Variants in PRMT3 observed in about 807,000 individuals in gnomAD.
PRMT3 encodes protein arginine methyltransferase 3.
A neutral mutation model predicts 71.9 loss-of-function variants in PRMT3; 62 were observed. The ratio of observed to expected loss-of-function variants is 0.86; its 90% CI spans 0.70 to 1.07. PRMT3 has a LOEUF of 1.07. PRMT3 is among the 50% of genes least tolerant of loss of function. The pLI, the probability that PRMT3 is intolerant of heterozygous loss-of-function variation, is 0.00. For missense variants in PRMT3, 663 were observed against 643.0 expected (o/e 1.03, Z -0.34); for synonymous variants, 213 against 220.4 (o/e 0.97, Z 0.30).
chr11:20,392,876 T>G (rs142579521), intron 4 of PRMT3, 21 bp from the exon 5 acceptor site: 920 of 1,422,038 alleles, frequency 6.5e-4, no homozygotes, highest in Non-Finnish European at 8.3e-4. Flanking sequence ...GAAAAAAACA[T>G]GAGATTAATT....
intron 2 of PRMT3, 92 bp downstream of exon 2, chr11:20,388,246 C>A (rs1388923235): frequency 6.4e-7 from 1 of 1,559,938 alleles, no homozygotes; most frequent in Admixed American, 1.8e-5. Context: ...GGAGGCAAGC[C>A]AGAGTGGCCT....
At chr11:20,462,200 G>C in intron 12 of PRMT3, 33 bp downstream of exon 12, 1 of 1,492,328 alleles carries the variant, frequency 6.7e-7, no homozygotes, top group Non-Finnish European at 9.1e-7. Flanking sequence ...TTTTTATAAT[G>C]GTATTGCTAT....
chr11:20,505,214 A>G (rs1851562626), intron 15 of PRMT3, among the ~76,000 whole-genome samples: 1 of 152,296 alleles, frequency 6.6e-6, no homozygotes, highest in Non-Finnish European at 1.5e-5. Context: ...ACCAGGTAGT[A>G]TGCAAATGAA....
At chr11:20,452,512 T>A (rs1489221460) in intron 11 of PRMT3, among the ~76,000 whole-genome samples, 1 of 152,152 alleles carries the variant, frequency 6.6e-6, no homozygotes, top group Admixed American at 6.5e-5. Flanking sequence ...TCTAACAAAC[T>A]CCTTTTTATT....
chr11:20,505,313 A>T (rs1565243849), intron 15 of PRMT3, among the ~76,000 whole-genome samples: 2 of 152,098 alleles, frequency 1.3e-5, no homozygotes, highest in Admixed American at 6.5e-5. Flanking sequence ...TACTTACTTT[A>T]TGTTGGGTCT....
intron 13 of PRMT3, among the ~76,000 whole-genome samples, chr11:20,482,451 T>G (rs1850961146): frequency 6.6e-6 from 1 of 152,092 alleles, no homozygotes; most frequent in Non-Finnish European, 1.5e-5. Flanking sequence ...AGAATATCTA[T>G]CTGAAGTTTA....
At chr11:20,494,846 G>T (rs1851297062) in intron 15 of PRMT3, among the ~76,000 whole-genome samples, 1 of 152,060 alleles carries the variant, frequency 6.6e-6, no homozygotes, top group African/African-American at 2.4e-5. Context: ...TATTTAATAA[G>T]TTACAAATAT....
intron 13 of PRMT3, among the ~76,000 whole-genome samples, chr11:20,478,143 C>T (rs951750793): frequency 1.3e-5 from 2 of 152,224 alleles, no homozygotes; most frequent in Admixed American, 6.5e-5. Flanking sequence ...AAGTAAGACT[C>T]CTCTGTGGTT....
intron 15 of PRMT3, among the ~76,000 whole-genome samples, chr11:20,501,668 G>A (rs545049570): frequency 6.6e-6 from 1 of 152,256 alleles, no homozygotes; most frequent in South Asian, 2.1e-4. Flanking sequence ...AATATGACAA[G>A]ATAAGTAAAA....
intron 9 of PRMT3, among the ~76,000 whole-genome samples, chr11:20,412,928 ACT>A (rs1849226517): frequency 6.6e-6 from 1 of 151,942 alleles, no homozygotes; most frequent in African/African-American, 2.4e-5. Flanking sequence ...ACATAGTGAG[ACT>A]CTGTTTCTAT....
In PRMT3 at chr11:20,408,028, A is replaced by C; in HGVS notation, c.889A>C (p.Ile297Leu). 1 of 1,561,022 alleles carries C rather than the reference A, an allele frequency of 6.4e-7. No homozygotes were observed. Among genetic ancestry groups the C allele is most frequent in the South Asian group, 1.1e-5 (1 of 87,120 alleles). ...AATACTTTACCAGGCAATGGATATT[A>C]TAAGGTACATATATTTTAAGCCTTC... is the stretch of plus-strand genomic sequence containing the variant. ...SEILYQAMDI[I>L]RLNKLEDTIT... The change falls in exon 9 of 16, where the codon ATA becomes CTA. Residue 297 changes from isoleucine to leucine, a missense_variant. Coordinates refer to ENST00000331079, the MANE Select transcript of PRMT3 (RefSeq NM_005788.4).
chr11:20,469,226 A>G (rs1850586101), intron 13 of PRMT3, among the ~76,000 whole-genome samples: 1 of 152,208 alleles, frequency 6.6e-6, no homozygotes, highest in African/African-American at 2.4e-5. Context: ...ATTTTTGTGG[A>G]AAGTTTATAG....
At chr11:20,497,932 T>G (rs575863897) in intron 15 of PRMT3, among the ~76,000 whole-genome samples, 20 of 152,190 alleles carry the variant, frequency 1.3e-4, no homozygotes, top group Non-Finnish European at 2.9e-4. Context: ...GGAAAATGTC[T>G]GATAGGAACA....
chr11:20,412,513 G>A (rs1056259305), intron 9 of PRMT3, among the ~76,000 whole-genome samples: 4 of 151,830 alleles, frequency 2.6e-5, no homozygotes, highest in Admixed American at 6.6e-5. Context: ...CCTATCACCC[G>A]CGTCTACATT....
chr11:20,458,793 G>A (rs1286613705), intron 11 of PRMT3, among the ~76,000 whole-genome samples: 1 of 152,052 alleles, frequency 6.6e-6, no homozygotes, highest in Non-Finnish European at 1.5e-5. Flanking sequence ...TTTTGTGAAA[G>A]ACAAATAATT....
intron 13 of PRMT3, among the ~76,000 whole-genome samples, chr11:20,473,759 C>T (rs1175377927): frequency 1.3e-5 from 2 of 151,488 alleles, no homozygotes; most frequent in Non-Finnish European, 2.9e-5. Context: ...CATCTCAGCC[C>T]AGTTCTGCAG....
intron 10 of PRMT3, among the ~76,000 whole-genome samples, chr11:20,428,200 A>G (rs753676147): frequency 2.6e-5 from 4 of 152,220 alleles, no homozygotes; most frequent in Non-Finnish European, 4.4e-5. Flanking sequence ...GAAAGAGTAG[A>G]TATGAATTAA....
At chr11:20,389,849 G>A (rs997189506) in intron 3 of PRMT3, 23 bp downstream of exon 3, 1 of 1,574,274 alleles carries the variant, frequency 6.4e-7, no homozygotes, top group Admixed American at 1.7e-5. Flanking sequence ...TAGAATAAAG[G>A]CAATTTAATT....
chr11:20,448,631 A>C (rs1850083175), intron 10 of PRMT3, among the ~76,000 whole-genome samples: 1 of 152,086 alleles, frequency 6.6e-6, no homozygotes, highest in Admixed American at 6.6e-5. Flanking sequence ...TTTGAACTAA[A>C]AAAAGTTAGA....
Sources: gnomAD v4.1 joint callset for allele counts (sites outside exome capture counted in the v4.1 genomes callset) on GRCh38, gnomAD v4.1.1 for gene constraint, MANE v1.5 for transcripts, NCBI Gene and HGNC (gene_info 2026-07-23, HGNC 2026-07-21) for gene names.